The following NMNAT2 variants were observed in gnomAD, a reference collection of about 807,000 sequenced individuals.
NMNAT2 encodes nicotinamide/nicotinic acid mononucleotide adenylyltransferase 2.
NMNAT2 carries 11 observed loss-of-function variants against 41.6 expected under a neutral mutation model. The ratio of observed to expected loss-of-function variants is 0.26; its 90% confidence interval spans 0.17 to 0.44. NMNAT2 has a LOEUF of 0.44. Ranked by LOEUF, NMNAT2 falls within the 20% of genes least tolerant of loss-of-function variation. The pLI is 1.00. For synonymous variants in NMNAT2, 148 were observed against 151.2 expected, an observed-to-expected ratio of 0.98 and a Z score of 0.16; for missense variants, 288 against 407.7, an observed-to-expected ratio of 0.71 and a Z score of 2.53.
At position 183,252,411 on chromosome 1, in the gene NMNAT2, C is replaced by G; in HGVS notation, c.*230G>C. On this transcript the variant is annotated 3_prime_UTR_variant, in exon 11 of 11. Coordinates refer to ENST00000287713, the MANE Select transcript of NMNAT2 (RefSeq NM_015039.4). The stretch of plus-strand genomic sequence containing the variant: ...GGACTGCACTTCCCCCGACTCCCAC[C>G]CCATTCCCTCACCCACCCCCAACCC... 1 of 471,080 alleles carries G rather than the reference C, an allele frequency of 2.1e-6. No homozygotes were observed. The highest frequency in any genetic ancestry group is 4.0e-5 in the East Asian group (1 of 24,896). The allele number at this position is 471,080 out of a possible 1,614,324, so 29.2% of individuals were successfully genotyped here. A position where few individuals can be genotyped will look rare whatever the true frequency, so the allele number is the denominator to read the frequency against.
chr1:183,389,820 GAAAGAAAGAAAGAAAGAAAGAAA>G (rs1648406546), intron 1 of NMNAT2, among the ~76,000 whole-genome samples: 1 of 55,218 alleles, frequency 1.8e-5, no homozygotes, highest in African/African-American at 6.1e-5. Context: ...AAGAAAGAAA[GAAAGAAAGAAAGAAAGAAAGAAA>G]GGAAAAAAGA....
chr1:183,385,050 AAT>A (rs920860519), intron 1 of NMNAT2, among the ~76,000 whole-genome samples: 7 of 151,912 alleles, frequency 4.6e-5, no homozygotes, highest in African/African-American at 1.7e-4. Context: ...AAAAATAAAA[AAT>A]AAAAAAAATT....
intron 1 of NMNAT2, among the ~76,000 whole-genome samples, chr1:183,304,131 T>C (rs1230280963): frequency 1.3e-5 from 2 of 152,190 alleles, no homozygotes; most frequent in African/African-American, 4.8e-5. Context: ...ATGTGACTTG[T>C]GTCTTGTGTA....
chr1:183,329,862 G>A (rs994540501), intron 1 of NMNAT2, among the ~76,000 whole-genome samples: 1 of 152,140 alleles, frequency 6.6e-6, no homozygotes, highest in African/African-American at 2.4e-5. Flanking sequence ...ATGGAATTGG[G>A]GCTCAGAAAA....
intron 1 of NMNAT2, among the ~76,000 whole-genome samples, chr1:183,352,771 G>A (rs2102353359): frequency 6.6e-6 from 1 of 152,272 alleles, no homozygotes; most frequent in Admixed American, 6.5e-5. Context: ...TCAAGGCCCT[G>A]CACTGTGGAA....
chr1:183,272,932 C>T (rs1661022599), intron 8 of NMNAT2, among the ~76,000 whole-genome samples: 1 of 152,210 alleles, frequency 6.6e-6, no homozygotes, highest in African/African-American at 2.4e-5. Context: ...CCCTTCTGTC[C>T]CCAGTCATGG....
chr1:183,283,218 T>C (rs1661312748), intron 7 of NMNAT2: 1 of 152,226 alleles, frequency 6.6e-6, no homozygotes, highest in Non-Finnish European at 1.5e-5. Context: ...AGTTGAAGAT[T>C]GAGGGTGTGG....
chr1:183,345,777 C>G (rs1662915046), intron 1 of NMNAT2, among the ~76,000 whole-genome samples: 2 of 151,974 alleles, frequency 1.3e-5, no homozygotes, highest in African/African-American at 2.4e-5. Flanking sequence ...AGCTCCGCCT[C>G]CCGGGTTCAC....
chr1:183,337,186 A>G (rs1662694340), intron 1 of NMNAT2, among the ~76,000 whole-genome samples: 2 of 152,182 alleles, frequency 1.3e-5, no homozygotes, highest in Non-Finnish European at 2.9e-5. Context: ...CTCTATGTAA[A>G]TATTTTCCTT....
rs1248655452 is a variant in NMNAT2 at position 183,261,030 on chromosome 1, T to G, written c.793A>C (p.Met265Leu). ...MVVKDDINHP[M>L]SVVSSTKSRL... ...CTCTTGGTTGAGCTGACAACAGACA[T>G]GGGATGGTTGATGTCATCCTTCACC... is the stretch of plus-strand genomic sequence containing the variant. The change falls in exon 10 of 11, where the codon ATG becomes CTG. Residue 265 changes from methionine (M) to leucine (L), a missense_variant. Met to Leu is a conservative substitution (Grantham distance 15). This residue lies in a region of NMNAT2 where 181 missense variants were observed against 213.7 expected (regional missense o/e 0.85). Transcript: ENST00000287713. 6.2e-7 allele frequency: 1 copy of G among 1,613,992 alleles called. No homozygotes were observed. Among genetic ancestry groups the G allele is most frequent in the Middle Eastern group, 1.6e-4 (1 of 6,062 alleles).
intron 10 of NMNAT2, among the ~76,000 whole-genome samples, chr1:183,259,312 A>C (rs189666848): frequency 1.3e-4 from 19 of 151,964 alleles, no homozygotes; most frequent in Non-Finnish European, 2.5e-4. Flanking sequence ...TTCTGCCCTC[A>C]CCTCACAGTG....
chr1:183,339,910 G>A (rs1209064136), intron 1 of NMNAT2, among the ~76,000 whole-genome samples: 1 of 151,858 alleles, frequency 6.6e-6, no homozygotes, highest in African/African-American at 2.4e-5. Flanking sequence ...GGCATGTACT[G>A]AGCAGCCAGG....
intron 8 of NMNAT2, among the ~76,000 whole-genome samples, chr1:183,271,353 C>T (rs1487383548): frequency 1.3e-5 from 2 of 152,128 alleles, no homozygotes; most frequent in African/African-American, 4.8e-5. Flanking sequence ...TCTTTTATAT[C>T]CTCTTCCCTC....
chr1:183,271,802 G>C (rs1660993994), intron 8 of NMNAT2, among the ~76,000 whole-genome samples: 1 of 151,948 alleles, frequency 6.6e-6, no homozygotes, highest in South Asian at 2.1e-4. Context: ...ACCCAGGTTG[G>C]AGTGCAGTGG....
chr1:183,367,042 GA>G (rs1358671118), intron 1 of NMNAT2, among the ~76,000 whole-genome samples: 1 of 152,120 alleles, frequency 6.6e-6, no homozygotes, highest in African/African-American at 2.4e-5. Flanking sequence ...TGATCAATTT[GA>G]AAATCTCCGT....
At chr1:183,397,521 C>T (rs1001891188) in intron 1 of NMNAT2, among the ~76,000 whole-genome samples, 5 of 152,052 alleles carry the variant, frequency 3.3e-5, no homozygotes, top group African/African-American at 1.2e-4. Flanking sequence ...TTCCCCAACC[C>T]AGCAAGGTAG....
At chr1:183,269,743 G>C (rs1181514230) in intron 8 of NMNAT2, among the ~76,000 whole-genome samples, 1 of 152,242 alleles carries the variant, frequency 6.6e-6, no homozygotes, top group Non-Finnish European at 1.5e-5. Context: ...CCAAGACTCA[G>C]TGAGATTTAA....
At chr1:183,390,021 C>T (rs1571634079) in intron 1 of NMNAT2, among the ~76,000 whole-genome samples, 1 of 152,074 alleles carries the variant, frequency 6.6e-6, no homozygotes, top group East Asian at 1.9e-4. Context: ...AATAGAAGCT[C>T]ATCACGATAT....
chr1:183,270,378 T>C (rs1660953205), intron 8 of NMNAT2, among the ~76,000 whole-genome samples: 1 of 152,088 alleles, frequency 6.6e-6, no homozygotes, highest in Admixed American at 6.6e-5. Context: ...ATGCAGTATA[T>C]GAGCAGCTTC....
Sources: gnomAD v4.1 joint callset for allele counts (sites outside exome capture counted in the v4.1 genomes callset) on GRCh38, gnomAD v4.1.1 for gene constraint, gnomAD v4.1.1 regional missense constraint, MANE v1.5 for transcripts, NCBI Gene and HGNC (gene_info 2026-07-23, HGNC 2026-07-21) for gene names.